SPTBN1: variants seen among roughly 807,000 people sequenced by gnomAD.
The protein encoded by SPTBN1 is spectrin beta chain, non-erythrocytic 1.
A neutral mutation model predicts 266.4 loss-of-function variants in SPTBN1; 32 were observed. The observed-to-expected ratio is 0.12, with a 90% CI of 0.09 to 0.16. The LOEUF (loss-of-function observed/expected upper bound fraction) is 0.16, where lower values mean the gene tolerates loss of function less well. Ranked by LOEUF, SPTBN1 falls within the 10% of genes least tolerant of loss-of-function variation. The pLI is 1.00. For synonymous variants in SPTBN1, 1,336 were observed against 1,162.2 expected (o/e 1.15, Z -3.04); for missense variants, 2,296 against 3,067.1 (o/e 0.75, Z 5.94).
chr2:54,521,123 T>C (rs559202410), intron 1 of SPTBN1, among the ~76,000 whole-genome samples: 2 of 152,354 alleles, frequency 1.3e-5, no homozygotes, highest in African/African-American at 4.8e-5. Context: ...GTATGTGTGA[T>C]ATAAACTGTC....
chr2:54,661,721 A>AT (rs1240208887), intron 32 of SPTBN1: 2 of 985,538 alleles, frequency 2.0e-6, no homozygotes, highest in East Asian at 2.3e-4. Context: ...CTATATGTAT[A>AT]TATGTGATGT....
At chr2:54,632,252 G>C (rs148385256) in intron 16 of SPTBN1, among the ~76,000 whole-genome samples, 1 of 152,246 alleles carries the variant, frequency 6.6e-6, no homozygotes, top group African/African-American at 2.4e-5. Context: ...CTCAAAGAGA[G>C]AGTATGAAGG....
intron 26 of SPTBN1, among the ~76,000 whole-genome samples, chr2:54,651,039 G>C: frequency 6.6e-6 from 1 of 152,160 alleles, no homozygotes; most frequent in East Asian, 1.9e-4. Context: ...ATAGTTTAAG[G>C]ATTGAGGTGC....
intron 26 of SPTBN1, among the ~76,000 whole-genome samples, chr2:54,650,228 C>T (rs13401431): frequency 0.088 from 13,352 of 152,218 alleles, 782 homozygotes; most frequent in African/African-American, 0.16. Context: ...ATAAATAAAC[C>T]AGATGCATAC....
Position 54,668,450 on chromosome 2 carries a change from G to C in SPTBN1, c.6976G>C (p.Ala2326Pro), listed in dbSNP as rs200348448. 8 of 1,614,056 alleles carry C rather than the reference G, an allele frequency of 5.0e-6. No individual in the cohort carries two copies. The African/African-American group carries it at 9.3e-5, about 19-fold the overall frequency. The change falls in exon 36 of 36, where the codon GCG becomes CCG. Residue 2326 changes from alanine (A) to proline (P), a missense_variant. Ala to Pro is a conservative substitution (Grantham distance 27, BLOSUM62 -1). This residue lies in a region of SPTBN1 where 347 missense variants were observed against 368.5 expected (regional missense o/e 0.94). Coordinates refer to ENST00000356805, the MANE Select transcript of SPTBN1 (RefSeq NM_003128.3). ...CCAGAGCACGCCAGCATCCAGCCGC[G>C]CGCAGACCCTCCCCACCAGCGTCGT... ...STQSTPASSR[A>P]QTLPTSVVTI... is the part of the protein sequence containing the mutation.
chr2:54,507,268 G>A (rs1389864892), intron 1 of SPTBN1, among the ~76,000 whole-genome samples: 1 of 152,112 alleles, frequency 6.6e-6, no homozygotes, highest in Non-Finnish European at 1.5e-5. Context: ...GGGATATGAT[G>A]GCTTAGCTTG....
chr2:54,560,409 G>A (rs1356229235), intron 2 of SPTBN1, among the ~76,000 whole-genome samples: 1 of 152,088 alleles, frequency 6.6e-6, no homozygotes, highest in Non-Finnish European at 1.5e-5. Context: ...GAAGGTGTGA[G>A]GGAGGAGTGC....
At chr2:54,667,803 G>A (rs1399031771) in intron 35 of SPTBN1, among the ~76,000 whole-genome samples, 157 bp downstream of exon 35, 2 of 152,196 alleles carry the variant, frequency 1.3e-5, no homozygotes, top group African/African-American at 4.8e-5. Context: ...GTTTGGTTCT[G>A]TCTCTAGAAG....
At chr2:54,606,134 C>G (rs1031019937) in intron 3 of SPTBN1, among the ~76,000 whole-genome samples, 5 of 152,244 alleles carry the variant, frequency 3.3e-5, no homozygotes, top group African/African-American at 1.2e-4. Context: ...CTTTTTCTAC[C>G]GCATTCATTT....
chr2:54,603,822 G>A (rs2103727677), intron 3 of SPTBN1, among the ~76,000 whole-genome samples: 1 of 152,146 alleles, frequency 6.6e-6, no homozygotes, highest in East Asian at 1.9e-4. Context: ...AAAAATCTAT[G>A]TTTAATTAAA....
At chr2:54,574,882 A>G (rs1225781041) in intron 2 of SPTBN1, among the ~76,000 whole-genome samples, 1 of 152,218 alleles carries the variant, frequency 6.6e-6, no homozygotes, top group Non-Finnish European at 1.5e-5. Context: ...AGGTACCTTC[A>G]TGAACATATT....
At chr2:54,661,495 C>G (rs1326533072) in intron 32 of SPTBN1, 1 of 985,536 alleles carries the variant, frequency 1.0e-6, no homozygotes, top group African/African-American at 1.7e-5. Flanking sequence ...TTTTCCTTAT[C>G]TCTATGTACA....
chr2:54,488,749 GA>G (rs1211954024), intron 1 of SPTBN1, among the ~76,000 whole-genome samples: 3 of 151,608 alleles, frequency 2.0e-5, no homozygotes, highest in Non-Finnish European at 4.4e-5. Context: ...TTTGTGTAGG[GA>G]AAAAAAATAA....
intron 1 of SPTBN1, among the ~76,000 whole-genome samples, chr2:54,476,736 C>G (rs1384176177): frequency 6.6e-6 from 1 of 152,208 alleles, no homozygotes; most frequent in Non-Finnish European, 1.5e-5. Flanking sequence ...TTAATTAATA[C>G]TTGCATTGGG....
At chr2:54,522,063 A>G (rs77754305) in intron 1 of SPTBN1, among the ~76,000 whole-genome samples, 3 of 142,862 alleles carry the variant, frequency 2.1e-5, no homozygotes, top group African/African-American at 5.2e-5. Flanking sequence ...ACAGCTGGCT[A>G]TTTTTTTTTT....
intron 2 of SPTBN1, among the ~76,000 whole-genome samples, chr2:54,542,861 A>G (rs992300867): frequency 6.6e-6 from 1 of 152,248 alleles, no homozygotes; most frequent in African/African-American, 2.4e-5. Flanking sequence ...TGCTTGGGAT[A>G]GATGAGGGTC....
At chr2:54,573,259 A>G (rs1423150719) in intron 2 of SPTBN1, among the ~76,000 whole-genome samples, 1 of 152,174 alleles carries the variant, frequency 6.6e-6, no homozygotes, top group African/African-American at 2.4e-5. Context: ...TTTGTAGAAG[A>G]CAATTTTTCC....
At chr2:54,564,116 T>A (rs1673510210) in intron 2 of SPTBN1, among the ~76,000 whole-genome samples, 1 of 152,198 alleles carries the variant, frequency 6.6e-6, no homozygotes, top group East Asian at 1.9e-4. Flanking sequence ...TTTCTGGACA[T>A]GGGCTGCTCT....
At chr2:54,505,891 G>A (rs1418939383) in intron 1 of SPTBN1, among the ~76,000 whole-genome samples, 1 of 152,108 alleles carries the variant, frequency 6.6e-6, no homozygotes, top group Non-Finnish European at 1.5e-5. Context: ...TTGGGAGGCT[G>A]AGGCGGGCGG....
Sources: gnomAD v4.1 joint callset for allele counts (sites outside exome capture counted in the v4.1 genomes callset) on GRCh38, gnomAD v4.1.1 for gene constraint, gnomAD v4.1.1 regional missense constraint, MANE v1.5 for transcripts, NCBI Gene and HGNC (gene_info 2026-07-23, HGNC 2026-07-21) for gene names.